The following MINDY1 variants were observed in gnomAD, a reference collection of about 807,000 sequenced individuals.
MINDY1 encodes the protein ubiquitin carboxyl-terminal hydrolase MINDY-1.
Under a neutral mutation model 53.6 loss-of-function variants are expected in MINDY1, and 50 were observed. The ratio of observed to expected loss-of-function variants is 0.93; its 90% CI spans 0.74 to 1.18. The LOEUF (loss-of-function observed/expected upper bound fraction) is 1.18, where lower values mean the gene tolerates loss of function less well. Among genes scored for constraint, MINDY1 ranks in the 50% most tolerant of loss-of-function variants. MINDY1 has a pLI of 0.00. For synonymous variants in MINDY1, 231 were observed against 234.7 expected (o/e 0.98, Z 0.14); for missense variants, 484 against 578.6 (o/e 0.84, Z 1.68).
At chr1:151,006,247 G>C in intron 1 of MINDY1, 65 bp downstream of exon 1, 1 of 1,509,432 alleles carries the variant, frequency 6.6e-7, no homozygotes, top group Non-Finnish European at 8.9e-7. Context: ...GCTCCCCAAA[G>C]CTGGAGAGGA....
intron 4 of MINDY1, 92 bp from the exon 5 acceptor site, chr1:151,000,707 C>G: frequency 7.2e-7 from 1 of 1,390,644 alleles, no homozygotes; most frequent in Non-Finnish European, 9.7e-7. Flanking sequence ...CCTTGCTGCT[C>G]TTCTTCCCTG....
chr1:150,997,647 G>T lies in MINDY1; in HGVS notation c.1306C>A (p.Arg436=). 6.2e-7 allele frequency: 1 copy of T among 1,610,686 alleles called. No homozygotes were observed. Among genetic ancestry groups the T allele is most frequent in the Non-Finnish European group, 8.5e-7 (1 of 1,180,022 alleles). The change falls in exon 9 of 10, where the codon CGG becomes AGG. Residue 436 remains arginine, a synonymous_variant. Coordinates refer to ENST00000683666, the MANE Select transcript of MINDY1 (RefSeq NM_001376665.1). The part of the protein sequence containing the change: ...QQQAAQPVRM[R]TRVLSLQGRG... ...ACCTGCAGTGACAGGACCCGCGTCC[G>T]CATCCGCACTGGCTGCGCTGCCTGC...
chr1:150,997,550 G>C, intron 9 of MINDY1, 74 bp downstream of exon 9: 1 of 1,600,394 alleles, frequency 6.2e-7, no homozygotes, highest in Non-Finnish European at 8.5e-7. Flanking sequence ...ACCAGTGCAG[G>C]AATAACAGGT....
Position 151,002,587 on chromosome 1 carries a change from G to A in MINDY1, c.31C>T (p.Pro11Ser). Residue 11 changes from proline (P) to serine (S), a missense_variant, in exon 2 of 10, where the codon CCT becomes TCT. Physicochemically the swap from Pro to Ser is moderately conservative, Grantham distance 74 (BLOSUM62 -1). Coordinates refer to ENST00000683666, the MANE Select transcript of MINDY1 (RefSeq NM_001376665.1). This position sits in a 1 kb window ranked among gnomAD's most constrained non-coding sequence, Gnocchi z 4.1. ...GCTTCTGCAGTCCCGGCCTTACCAG[G>A]GGCTGGATCCTCAGGCTGATGGTAT... MEYHQPEDPA[P>S]GKAGTAEAVI... is the part of the protein sequence containing the mutation. 2 of 1,614,196 alleles carry A rather than the reference G, an allele frequency of 1.2e-6. No individual in the cohort carries two copies. The highest frequency in any genetic ancestry group is 1.7e-6 in the Non-Finnish European group (2 of 1,180,036).
chr1:151,003,607 GCTTTGTTGC>G, intron 1 of MINDY1, among the ~76,000 whole-genome samples: 1 of 152,272 alleles, frequency 6.6e-6, no homozygotes. Flanking sequence ...ACAGGGTCTT[GCTTTGTTGC>G]CTAGGCTGGT....
rs201944701 is a variant in MINDY1 at position 150,996,881 on chromosome 1, A to AT, written c.*405dup. 2,086 of 186,148 alleles carry AT rather than the reference A, an allele frequency of 0.011. 29 individuals carry two copies. Among genetic ancestry groups the AT allele is most frequent in the Middle Eastern group, 0.026 (11 of 420 alleles). The allele number at this position is 186,148 out of a possible 1,614,324, so 11.5% of individuals were successfully genotyped here. A position where few individuals can be genotyped will look rare whatever the true frequency, so the allele number is the denominator to read the frequency against. ...TCCAAACCCCAGGAAGGCATTACAA[A>AT]TAAGAGATAGAAACCCAAATTAAGC... On this transcript the variant is annotated 3_prime_UTR_variant, in exon 10 of 10. Transcript: ENST00000683666.
chr1:150,997,976 A>G (rs1186121441), intron 8 of MINDY1, 106 bp downstream of exon 8: 4 of 1,298,004 alleles, frequency 3.1e-6, no homozygotes, highest in South Asian at 2.9e-5. Flanking sequence ...GGTAACCCAG[A>G]GAGAGAGGCA....
At chr1:151,007,653 C>T (rs1464097281), upstream of MINDY1, among the ~76,000 whole-genome samples, 2 of 152,026 alleles carry the variant, frequency 1.3e-5, no homozygotes, top group African/African-American at 2.4e-5. Flanking sequence ...GTGAGGCTGA[C>T]GGTAGGAAAT....
At chr1:150,998,298 T>A (rs188544802) in intron 7 of MINDY1, 25 bp from the exon 8 acceptor site, 52 of 1,589,888 alleles carry the variant, frequency 3.3e-5, no homozygotes, top group Non-Finnish European at 4.3e-5. Flanking sequence ...ACAGAGCTCA[T>A]TGGGGGGACA....
chr1:151,003,865 C>T (rs1023500005), intron 1 of MINDY1, among the ~76,000 whole-genome samples: 6 of 152,170 alleles, frequency 3.9e-5, no homozygotes, highest in Non-Finnish European at 7.4e-5. Flanking sequence ...AACAATACTT[C>T]CTGTACATTC....
intron 9 of MINDY1, 34 bp from the exon 10 acceptor site, chr1:150,997,401 C>G: frequency 1.9e-6 from 3 of 1,577,716 alleles, no homozygotes; most frequent in Non-Finnish European, 2.6e-6. Flanking sequence ...CACTGAACTT[C>G]CTTGGAAGAG....
chr1:150,998,225 G>A lies in MINDY1; in HGVS notation c.1030C>T (p.Gln344Ter), dbSNP rs1392073565. The change falls in exon 8 of 10, where the codon CAA becomes TAA. Residue 344 changes from glutamine (Q) to a stop codon, truncating the protein, a stop_gained. Coordinates refer to ENST00000683666, the MANE Select transcript of MINDY1 (RefSeq NM_001376665.1). LOFTEE classifies it high-confidence loss of function. The part of the protein sequence containing the change: ...VTDQGFLQEE[Q>*]VVWESLHNVD... The stretch of plus-strand genomic sequence containing the variant: ...TTGTGCAGGCTCTCCCATACGACTT[G>A]CTCCTCCTGTAGAAAGCCCTGGTCA... The A allele has an allele frequency of 6.2e-7, 1 of 1,614,164 alleles. No homozygotes were observed. Among genetic ancestry groups the A allele is most frequent in the East Asian group, 2.2e-5 (1 of 44,884 alleles).
intron 1 of MINDY1, among the ~76,000 whole-genome samples, chr1:151,004,863 C>CAGGA (rs1464271006): frequency 1.3e-5 from 2 of 152,138 alleles, no homozygotes; most frequent in Non-Finnish European, 2.9e-5. Context: ...TGTAAACCTA[C>CAGGA]AGGAATTTGG....
chr1:151,000,897 G>A (rs1672487598), intron 4 of MINDY1, among the ~76,000 whole-genome samples: 1 of 152,012 alleles, frequency 6.6e-6, no homozygotes, highest in Non-Finnish European at 1.5e-5. Flanking sequence ...TCCCACCTCA[G>A]CCTCCTGAGT....
At chr1:151,008,393 T>A, upstream of MINDY1, 1 of 1,165,364 alleles carries the variant, frequency 8.6e-7, no homozygotes, top group Non-Finnish European at 1.2e-6. Context: ...CAGGAGCCTC[T>A]GGGCGTAGAG....
chr1:151,008,306 G>C, upstream of MINDY1: 3 of 1,290,834 alleles, frequency 2.3e-6, no homozygotes, highest in Non-Finnish European at 3.0e-6. Flanking sequence ...GGTTGCTAGG[G>C]ACATTGCGGA....
At position 151,002,977 on chromosome 1, in the gene MINDY1, G is replaced by C; in HGVS notation, c.-89-271C>G. 2 of 1,239,778 alleles carry C rather than the reference G, an allele frequency of 1.6e-6. No individual in the cohort carries two copies. The highest frequency in any genetic ancestry group is 3.7e-5 in the East Asian group (1 of 26,788). The allele number at this position is 1,239,778 out of a possible 1,614,324, so 76.8% of individuals were successfully genotyped here. A position where few individuals can be genotyped will look rare whatever the true frequency, so the allele number is the denominator to read the frequency against. On this transcript the variant is annotated intron_variant, in intron 1 of 9. Coordinates refer to ENST00000683666, the MANE Select transcript of MINDY1 (RefSeq NM_001376665.1). This position sits in a 1 kb window ranked among gnomAD's most constrained non-coding sequence, Gnocchi z 4.1. ...GGGTGGAGTCAGCTTCCCTGAAACA[G>C]ATCATGACAGGGAAGGGAGGAAAGA...
At chr1:150,996,763 C>G (rs1023395991), downstream of MINDY1, 1 of 152,450 alleles carries the variant, frequency 6.6e-6, no homozygotes, top group African/African-American at 2.4e-5. Flanking sequence ...AGGCTGGTCT[C>G]GAACTCCTAA....
intron 2 of MINDY1, 144 bp from the exon 3 acceptor site, chr1:151,001,926 A>C: frequency 1.1e-6 from 1 of 914,362 alleles, no homozygotes. Context: ...TGAATGTGAA[A>C]TCTTGCAAGG....
Sources: allele counts gnomAD v4.1 joint callset (sites outside exome capture counted in the v4.1 genomes callset), GRCh38; gene constraint gnomAD v4.1.1; non-coding constraint Gnocchi (gnomAD v3.1); transcripts MANE v1.5; gene names NCBI Gene and HGNC (gene_info 2026-07-23, HGNC 2026-07-21).